Variants in TANGO6 observed in about 807,000 individuals in gnomAD.
The protein encoded by TANGO6 is transport and golgi organization 6 homolog.
TANGO6 carries 90 observed loss-of-function variants against 114.2 expected under a neutral mutation model. The observed-to-expected ratio is 0.79, with a 90% CI of 0.66 to 0.94. TANGO6 has a LOEUF of 0.94. Ranked by LOEUF, TANGO6 falls within the 40% of genes least tolerant of loss-of-function variation. The probability of loss-of-function intolerance (pLI) is 0.00; values close to 1 mark genes in which losing one functional copy is unlikely to be tolerated. For missense variants in TANGO6, 1,274 were observed against 1,315.3 expected, an observed-to-expected ratio of 0.97 and a Z score of 0.49; for synonymous variants, 477 against 509.8, an observed-to-expected ratio of 0.94 and a Z score of 0.87.
chr16:68,943,597 C>A (rs982941483), intron 14 of TANGO6, among the ~76,000 whole-genome samples: 4 of 151,906 alleles, frequency 2.6e-5, no homozygotes, highest in African/African-American at 7.3e-5. Flanking sequence ...AATCTCCTTA[C>A]CTCGTGATCT....
chr16:68,927,448 TA>T, intron 12 of TANGO6, 119 bp from the exon 13 acceptor site: 2 of 1,075,310 alleles, frequency 1.9e-6, no homozygotes, highest in Non-Finnish European at 2.7e-6. Context: ...ATACACTGAT[TA>T]CACCATGAGC....
At chr16:69,076,889 C>T (rs887671774) in intron 17 of TANGO6, among the ~76,000 whole-genome samples, 22 of 152,118 alleles carry the variant, frequency 1.4e-4, no homozygotes, top group East Asian at 3.9e-4. Flanking sequence ...CACAGGTTCA[C>T]AGGAGGCTGA....
At chr16:68,984,038 G>GA (rs1165109764) in intron 15 of TANGO6, among the ~76,000 whole-genome samples, 218 of 73,270 alleles carry the variant, frequency 3.0e-3, no homozygotes, top group East Asian at 4.7e-3. Context: ...GTCTCAAAAA[G>GA]AAAAAAAAAA....
At chr16:68,997,102 A>G (rs1184046482) in intron 15 of TANGO6, among the ~76,000 whole-genome samples, 1 of 152,222 alleles carries the variant, frequency 6.6e-6, no homozygotes, top group African/African-American at 2.4e-5. Flanking sequence ...GCAGCTATAC[A>G]TGGAAACTGT....
chr16:68,989,557 G>A (rs1963928997), intron 15 of TANGO6, among the ~76,000 whole-genome samples: 1 of 152,046 alleles, frequency 6.6e-6, no homozygotes, highest in Non-Finnish European at 1.5e-5. Context: ...TATAATAGCT[G>A]CTTTAAAATC....
intron 15 of TANGO6, among the ~76,000 whole-genome samples, chr16:69,007,525 A>G (rs1421432046): frequency 6.6e-6 from 1 of 152,050 alleles, no homozygotes; most frequent in Non-Finnish European, 1.5e-5. Context: ...TCGGTCTCCC[A>G]AAGTGCTGGG....
intron 1 of TANGO6, among the ~76,000 whole-genome samples, chr16:68,850,154 G>A (rs1299537706): frequency 6.6e-6 from 1 of 151,338 alleles, no homozygotes; most frequent in East Asian, 1.9e-4. Context: ...TTGTATTTTT[G>A]GTAGAGATGG....
At chr16:68,876,783 T>G (rs1962368448) in intron 5 of TANGO6, among the ~76,000 whole-genome samples, 1 of 151,974 alleles carries the variant, frequency 6.6e-6, no homozygotes, top group Non-Finnish European at 1.5e-5. Flanking sequence ...TTTGCACCAA[T>G]GCACTCCAGC....
chr16:69,040,398 G>T lies in TANGO6; in HGVS notation c.3085G>T (p.Gly1029Ter), dbSNP rs1174427717. ...ACATGTGGTTGTGCTGCTGCTTCGG[G>T]GACTCAGCCAGAAAGCTACTGAGGT... Reference protein sequence around the residue: ...AIHVVVLLLRGLSQKATEVLS... With the variant: ...AIHVVVLLLR The change falls in exon 17 of 18, where the codon GGA becomes TGA. Residue 1029 changes from glycine (G) to a stop codon, truncating the protein, a stop_gained. Coordinates refer to ENST00000261778, the MANE Select transcript of TANGO6 (RefSeq NM_024562.2). LOFTEE classifies it high-confidence loss of function. 1 of 1,605,122 alleles carries T rather than the reference G, an allele frequency of 6.2e-7. No individual in the cohort carries two copies. Among genetic ancestry groups the T allele is most frequent in the South Asian group, 1.1e-5 (1 of 88,892 alleles).
At chr16:68,929,086 T>C (rs1379922019) in intron 13 of TANGO6, among the ~76,000 whole-genome samples, 2 of 152,120 alleles carry the variant, frequency 1.3e-5, no homozygotes, top group African/African-American at 2.4e-5. Flanking sequence ...ACCCAGCTAA[T>C]TTTTGTACGT....
At chr16:68,990,935 A>G (rs1963940873) in intron 15 of TANGO6, among the ~76,000 whole-genome samples, 1 of 152,204 alleles carries the variant, frequency 6.6e-6, no homozygotes. Context: ...ATGGGACAAG[A>G]CTTGAAGCAG....
intron 12 of TANGO6, among the ~76,000 whole-genome samples, chr16:68,920,909 C>T (rs1282270487): frequency 2.0e-5 from 3 of 151,574 alleles, no homozygotes; most frequent in East Asian, 4.0e-4. Context: ...GTCAGGAGAT[C>T]GAGACCATCC....
At chr16:69,001,601 T>A (rs1247858190) in intron 15 of TANGO6, among the ~76,000 whole-genome samples, 1 of 152,210 alleles carries the variant, frequency 6.6e-6, no homozygotes, top group Non-Finnish European at 1.5e-5. Context: ...AGCCTGCATT[T>A]CTAGGGCTAA....
At chr16:69,021,489 G>A (rs1231174018) in intron 15 of TANGO6, among the ~76,000 whole-genome samples, 1 of 151,940 alleles carries the variant, frequency 6.6e-6, no homozygotes, top group Non-Finnish European at 1.5e-5. Context: ...CCTATAGTAT[G>A]TATTACCTTC....
chr16:68,889,568 A>G lies in TANGO6; in HGVS notation c.1377+8938A>G, dbSNP rs899447249. 4.2e-4 allele frequency among the ~76,000 whole-genome samples: 64 copies of G among 152,174 alleles called. 1 individual carries two copies. The highest frequency in any genetic ancestry group is 1.4e-3 in the African/African-American group (59 of 41,448). ...ACCTTGGTTCCCTGCACTGGCAATA[A>G]TTCTTTCTGGAAACATCCATGTGTA... On this transcript the variant is annotated intron_variant, in intron 7 of 17. Coordinates refer to ENST00000261778, the MANE Select transcript of TANGO6 (RefSeq NM_024562.2).
At chr16:69,050,025 T>C (rs1299889467) in intron 17 of TANGO6, among the ~76,000 whole-genome samples, 1 of 152,258 alleles carries the variant, frequency 6.6e-6, no homozygotes, top group East Asian at 1.9e-4. Context: ...TTTTAAACAA[T>C]GCTGCTATGA....
intron 15 of TANGO6, among the ~76,000 whole-genome samples, chr16:68,979,686 T>C (rs1312462208): frequency 1.3e-5 from 2 of 152,216 alleles, no homozygotes; most frequent in African/African-American, 2.4e-5. Flanking sequence ...AAAGGAATGC[T>C]ATCTTGTTTT....
chr16:68,940,132 CCTTT>C (rs1034884889), intron 14 of TANGO6, among the ~76,000 whole-genome samples: 2 of 145,220 alleles, frequency 1.4e-5, no homozygotes, highest in African/African-American at 2.6e-5. Flanking sequence ...TTCTTTCTTT[CCTTT>C]CTTTTTATTT....
chr16:69,073,032 G>A (rs1454446999), intron 17 of TANGO6, among the ~76,000 whole-genome samples: 1 of 151,142 alleles, frequency 6.6e-6, no homozygotes, highest in African/African-American at 2.4e-5. Context: ...CAGGAGAGCA[G>A]CCTGGGTGAC....
Sources: allele counts gnomAD v4.1 joint callset (sites outside exome capture counted in the v4.1 genomes callset), GRCh38; gene constraint gnomAD v4.1.1; transcripts MANE v1.5; gene names NCBI Gene and HGNC (gene_info 2026-07-23, HGNC 2026-07-21).